Variants in CALN1 observed in about 807,000 individuals in gnomAD.
The protein encoded by CALN1 is calcium-binding protein 8.
Under a neutral mutation model 30.6 loss-of-function variants are expected in CALN1, and 17 were observed. The observed-to-expected ratio is 0.56, with a 90% CI of 0.38 to 0.83. The LOEUF is 0.83. CALN1 is among the 40% of genes least tolerant of loss of function. CALN1 has a pLI of 0.00. For synonymous variants in CALN1, 156 were observed against 131.4 expected, an observed-to-expected ratio of 1.19 and a Z score of -1.28; for missense variants, 291 against 354.9, an observed-to-expected ratio of 0.82 and a Z score of 1.45.
intron 3 of CALN1, among the ~76,000 whole-genome samples, chr7:72,178,899 G>C (rs1789560270): frequency 6.6e-6 from 1 of 152,124 alleles, no homozygotes; most frequent in South Asian, 2.1e-4. Flanking sequence ...GATAAAGTCT[G>C]AAGTCTGGGT....
At chr7:72,380,160 A>G (rs1034046867) in intron 2 of CALN1, among the ~76,000 whole-genome samples, 2 of 152,196 alleles carry the variant, frequency 1.3e-5, no homozygotes, top group African/African-American at 4.8e-5. Context: ...AGACAAAGAG[A>G]AGATTCCACT....
chr7:72,337,422 G>GCA (rs5884886), intron 2 of CALN1, among the ~76,000 whole-genome samples: 15 of 150,814 alleles, frequency 9.9e-5, no homozygotes, highest in African/African-American at 3.6e-4. Context: ...ACACTCGCGC[G>GCA]CACACACACA....
At chr7:72,104,345 TAAGAGATG>T in intron 4 of CALN1, 1 of 152,252 alleles carries the variant, frequency 6.6e-6, no homozygotes, top group Non-Finnish European at 1.5e-5. Flanking sequence ...AGGTGATGGC[TAAGAGATG>T]TGGAATTCCT....
At position 72,235,081 on chromosome 7, in the gene CALN1, T is replaced by G. The variant is rs564995562; in HGVS notation, c.244+43605A>C. On this transcript the variant is annotated intron_variant, in intron 3 of 6. Transcript: ENST00000395275. ...GAAGTTCAGAAGTTTGAGACCACCC[T>G]GAGCAATATAGCGAGACTCTGTCTC... 1.2e-4 allele frequency among the ~76,000 whole-genome samples: 19 copies of G among 152,148 alleles called. No homozygotes were observed. In the South Asian group the frequency reaches 3.3e-3, roughly 27 times the overall value.
chr7:72,040,082 G>A (rs1802031763), intron 4 of CALN1, among the ~76,000 whole-genome samples: 1 of 152,110 alleles, frequency 6.6e-6, no homozygotes, highest in Admixed American at 6.5e-5. Flanking sequence ...CAAATTGAAT[G>A]AGAAAACACC....
chr7:72,039,714 G>A (rs911321530), intron 4 of CALN1, among the ~76,000 whole-genome samples: 16 of 152,298 alleles, frequency 1.1e-4, no homozygotes, highest in South Asian at 2.1e-4. Flanking sequence ...CTTAGAAGGA[G>A]GAGTAAGGGA....
At chr7:71,908,729 T>A (rs1025598604) in intron 5 of CALN1, among the ~76,000 whole-genome samples, 1 of 152,132 alleles carries the variant, frequency 6.6e-6, no homozygotes, top group African/African-American at 2.4e-5. Flanking sequence ...TCCTCCTTAT[T>A]GTGAAAGGGA....
intron 3 of CALN1, among the ~76,000 whole-genome samples, chr7:72,164,549 A>G (rs541818823): frequency 6.6e-6 from 1 of 152,332 alleles, no homozygotes; most frequent in South Asian, 2.1e-4. Context: ...AGCCCAGCTG[A>G]CACCTTCATT....
chr7:72,387,876 G>A (rs555742684), intron 2 of CALN1, among the ~76,000 whole-genome samples: 3 of 152,308 alleles, frequency 2.0e-5, no homozygotes, highest in East Asian at 1.9e-4. Context: ...GGTTACCAGA[G>A]GTTGGGGAGA....
intron 2 of CALN1, among the ~76,000 whole-genome samples, chr7:72,364,130 C>A (rs1039570798): frequency 1.3e-4 from 20 of 151,882 alleles, no homozygotes; most frequent in Non-Finnish European, 2.6e-4. Flanking sequence ...CACGAAAAGA[C>A]ACTTGAACAA....
At chr7:72,325,001 GCGTTTA>G (rs893123930) in intron 2 of CALN1, among the ~76,000 whole-genome samples, 7 of 152,108 alleles carry the variant, frequency 4.6e-5, no homozygotes, top group Non-Finnish European at 1.0e-4. Context: ...GAGAATTTCA[GCGTTTA>G]CTTAAAGATT....
chr7:72,207,245 C>T (rs914230326), intron 3 of CALN1, among the ~76,000 whole-genome samples: 1 of 152,140 alleles, frequency 6.6e-6, no homozygotes, highest in African/African-American at 2.4e-5. Context: ...TCTTTGTCGG[C>T]GGGAGGGAAG....
chr7:72,189,019 GAA>G (rs1052301894), intron 3 of CALN1, among the ~76,000 whole-genome samples: 40 of 152,248 alleles, frequency 2.6e-4, no homozygotes, highest in African/African-American at 9.1e-4. Context: ...CTCCAGTGAG[GAA>G]AAAGAGAGAA....
chr7:72,114,615 A>T lies in CALN1; in HGVS notation c.245-8321T>A, dbSNP rs118080476. Among the ~76,000 whole-genome samples, 269 of 152,252 alleles carry T rather than the reference A, an allele frequency of 1.8e-3. 8 individuals carry two copies. The East Asian group carries it at 0.046, about 26-fold the overall frequency. On this transcript the variant is annotated intron_variant, in intron 3 of 6. Transcript: ENST00000395275. ...ATTTAATTACAACCTATCAGTCTGC[A>T]AATAATGATCAACTGACTTCAGAAA...
chr7:72,058,637 G>C (rs2129536805), intron 4 of CALN1, among the ~76,000 whole-genome samples: 1 of 152,218 alleles, frequency 6.6e-6, no homozygotes, highest in Non-Finnish European at 1.5e-5. Context: ...GGAATCTTTA[G>C]AGAACACCCA....
At chr7:72,072,877 A>T (rs900707905) in intron 4 of CALN1, among the ~76,000 whole-genome samples, 3 of 152,180 alleles carry the variant, frequency 2.0e-5, no homozygotes, top group Non-Finnish European at 4.4e-5. Flanking sequence ...CCCCATGGTA[A>T]CTACAAAGAA....
intron 5 of CALN1, among the ~76,000 whole-genome samples, chr7:71,917,167 C>A (rs1794722226): frequency 6.6e-6 from 1 of 152,154 alleles, no homozygotes; most frequent in Non-Finnish European, 1.5e-5. Flanking sequence ...GGAGATTTCA[C>A]TGGAATTGTC....
chr7:72,271,575 A>AAAAAAAAAAAAAAAAAATATATATATAT, intron 3 of CALN1, among the ~76,000 whole-genome samples: 3 of 52,126 alleles, frequency 5.8e-5, no homozygotes, highest in East Asian at 9.9e-4. Flanking sequence ...AAAAAAAAAA[A>AAAAAAAAAAAAAAAAAATATATATATAT]ATATATATAT....
rs556110629 is a variant in CALN1, at chr7:71,890,460, A to C, written c.502-79968T>G. Among the ~76,000 whole-genome samples the C allele has an allele frequency of 1.8e-3, 275 of 152,222 alleles. 1 individual carries two copies. The highest frequency in any genetic ancestry group is 6.4e-3 in the African/African-American group (264 of 41,530). ...TTTCCAAACAGTTCCTGGGCTTCTG[A>C]TTCCCTCTTTCTCTCTCCATACTGT... On this transcript the variant is annotated intron_variant, in intron 5 of 6. Coordinates refer to ENST00000395275, the MANE Select transcript of CALN1 (RefSeq NM_031468.4).
Sources: allele counts gnomAD v4.1 joint callset (sites outside exome capture counted in the v4.1 genomes callset), GRCh38; gene constraint gnomAD v4.1.1; transcripts MANE v1.5; gene names NCBI Gene and HGNC (gene_info 2026-07-23, HGNC 2026-07-21).